EPB41L4B: variants seen among roughly 807,000 people sequenced by gnomAD.
The protein encoded by EPB41L4B is erythrocyte membrane protein band 4.1 like 4B, also known as band 4.1-like protein 4B.
A neutral mutation model predicts 112.5 loss-of-function variants in EPB41L4B; 30 were observed. That is an observed-to-expected ratio of 0.27 (90% CI 0.20 to 0.36). The LOEUF (loss-of-function observed/expected upper bound fraction) is 0.36, where lower values mean the gene tolerates loss of function less well. EPB41L4B is among the 10% of genes least tolerant of loss of function. The pLI is 1.00. For missense variants in EPB41L4B, 1,024 were observed against 1,133.3 expected (o/e 0.90, Z 1.38); for synonymous variants, 408 against 439.7 (o/e 0.93, Z 0.90).
rs1831855145 is a variant in EPB41L4B, at chr9:109,176,711, G to A, written c.2488-15C>T. ...CTGAAGTCTGCCTGGAGAAGAAACA[G>A]GAAAGAGGAGATCAATCTCAATTTG... On this transcript the variant is annotated splice_polypyrimidine_tract_variant and intron_variant, in intron 24 of 25. Transcript: ENST00000374566. 1 of 1,612,952 alleles carries A rather than the reference G, an allele frequency of 6.2e-7. No homozygotes were observed. The highest frequency in any genetic ancestry group is 2.2e-5 in the East Asian group (1 of 44,850).
intron 15 of EPB41L4B, among the ~76,000 whole-genome samples, chr9:109,223,375 A>C (rs578050246): frequency 6.6e-6 from 1 of 150,944 alleles, no homozygotes; most frequent in African/African-American, 2.4e-5. Flanking sequence ...TCCAGGCTGC[A>C]GTGTGATCCA....
At chr9:109,301,503 C>T (rs1836965005) in intron 1 of EPB41L4B, among the ~76,000 whole-genome samples, 1 of 152,210 alleles carries the variant, frequency 6.6e-6, no homozygotes, top group South Asian at 2.1e-4. Context: ...GAGTCCCCTT[C>T]CTCGTCAATC....
At chr9:109,240,781 G>C (rs1037052214) in intron 15 of EPB41L4B, 2 of 985,274 alleles carry the variant, frequency 2.0e-6, no homozygotes, top group African/African-American at 1.7e-5. Flanking sequence ...GTGAAGTCTA[G>C]GGTAAAAACC....
intron 15 of EPB41L4B, among the ~76,000 whole-genome samples, chr9:109,229,901 A>C (rs1833899779): frequency 1.3e-5 from 2 of 152,136 alleles, no homozygotes. Context: ...GACAAGAAAA[A>C]GTCAGGAAGC....
chr9:109,192,501 T>C, intron 21 of EPB41L4B, 146 bp from the exon 22 acceptor site: 2 of 531,688 alleles, frequency 3.8e-6, no homozygotes, highest in Non-Finnish European at 6.3e-6. Context: ...CCTCACCAAG[T>C]AGTGTACAAA....
intron 2 of EPB41L4B, among the ~76,000 whole-genome samples, chr9:109,271,821 T>G (rs531944541): frequency 1.8e-4 from 28 of 152,288 alleles, no homozygotes; most frequent in Non-Finnish European, 3.4e-4. Context: ...ACTCAAACAC[T>G]CTAACGGGTG....
chr9:109,249,072 AAT>A (rs1405931516), intron 13 of EPB41L4B, among the ~76,000 whole-genome samples: 67 of 130,892 alleles, frequency 5.1e-4, no homozygotes, highest in African/African-American at 1.7e-3. Flanking sequence ...AAAAAAAAAA[AAT>A]ATATATATAT....
chr9:109,278,853 G>A (rs1835932809), intron 2 of EPB41L4B, among the ~76,000 whole-genome samples: 2 of 152,182 alleles, frequency 1.3e-5, no homozygotes, highest in Admixed American at 6.5e-5. Flanking sequence ...GCTAGATTTT[G>A]TTGGGAAGGG....
rs575676824 is a variant in EPB41L4B at position 109,256,933 on chromosome 9, G to A, written c.753-453C>T. Among the ~76,000 whole-genome samples, 6 of 152,274 alleles carry A rather than the reference G, an allele frequency of 3.9e-5. No individual in the cohort carries two copies. In the East Asian group the frequency reaches 9.7e-4, roughly 25 times the overall value. ...CATTGCACTCCAGCCTGGGCAACAA[G>A]ACTGAAACTCCATCTCAACAACAAC... On this transcript the variant is annotated intron_variant, in intron 7 of 25. Transcript: ENST00000374566.
intron 17 of EPB41L4B, 127 bp from the exon 18 acceptor site, chr9:109,208,176 C>T: frequency 9.0e-7 from 1 of 1,114,016 alleles, no homozygotes; most frequent in Non-Finnish European, 1.3e-6. Context: ...GTCACCAACT[C>T]CTTATATTTT....
chr9:109,238,666 G>A (rs1453973743), intron 15 of EPB41L4B, among the ~76,000 whole-genome samples: 1 of 152,066 alleles, frequency 6.6e-6, no homozygotes, highest in South Asian at 2.1e-4. Flanking sequence ...TATAGATGGG[G>A]GTAGAAAGGG....
At chr9:109,191,918 A>AT in intron 22 of EPB41L4B, among the ~76,000 whole-genome samples, 1 of 152,304 alleles carries the variant, frequency 6.6e-6, no homozygotes, top group Non-Finnish European at 1.5e-5. Context: ...GACCAGATGG[A>AT]TCGTCGGAAG....
At chr9:109,182,973 G>C (rs1160565620) in intron 23 of EPB41L4B, among the ~76,000 whole-genome samples, 176 bp from the exon 24 acceptor site, 1 of 152,122 alleles carries the variant, frequency 6.6e-6, no homozygotes, top group Non-Finnish European at 1.5e-5. Flanking sequence ...GCTGGTGGTT[G>C]TATCTGTGCC....
chr9:109,182,665 C>T (rs1832108077), intron 24 of EPB41L4B, 64 bp downstream of exon 24: 2 of 1,250,552 alleles, frequency 1.6e-6, no homozygotes, highest in South Asian at 1.2e-5. Context: ...TGGCATCCCG[C>T]AGAAAAGCAC....
chr9:109,314,674 C>T (rs1837568247), intron 1 of EPB41L4B, among the ~76,000 whole-genome samples: 2 of 152,114 alleles, frequency 1.3e-5, no homozygotes, highest in South Asian at 4.2e-4. Flanking sequence ...ACAAAGAAGG[C>T]ATATCCAAAA....
chr9:109,280,242 T>C (rs948583192), intron 1 of EPB41L4B, among the ~76,000 whole-genome samples: 2 of 152,184 alleles, frequency 1.3e-5, no homozygotes, highest in African/African-American at 2.4e-5. Context: ...TGAAGAAGGG[T>C]GTAACAGGGC....
intron 1 of EPB41L4B, among the ~76,000 whole-genome samples, 183 bp from the exon 2 acceptor site, chr9:109,280,104 C>A (rs10512229): frequency 6.6e-6 from 1 of 152,040 alleles, no homozygotes; most frequent in Admixed American, 6.6e-5. Flanking sequence ...ACTCAAATGC[C>A]ACATAATAGC....
Position 109,172,742 on chromosome 9 carries a change from A to C in EPB41L4B, c.*1812T>G, listed in dbSNP as rs185881120. On this transcript the variant is annotated 3_prime_UTR_variant, in exon 26 of 26. Coordinates refer to ENST00000374566, the MANE Select transcript of EPB41L4B (RefSeq NM_019114.5). ...TTAGAAAGATTTCCCTCAAAAAAAA[A>C]TATATTAAAATTTTAAAGATTCAGC... 3 of 152,730 alleles carry C rather than the reference A, an allele frequency of 2.0e-5. No individual in the cohort carries two copies. Among genetic ancestry groups the C allele is most frequent in the Non-Finnish European group, 4.4e-5 (3 of 68,026 alleles). 9.5% of individuals were successfully genotyped at this position (152,730 alleles called of 1,614,324 possible).
chr9:109,200,102 A>G, intron 20 of EPB41L4B, 134 bp downstream of exon 20: 2 of 659,432 alleles, frequency 3.0e-6, no homozygotes, highest in Non-Finnish European at 5.3e-6. Flanking sequence ...TAGTCTCATT[A>G]TTACCTAAAT....
Sources: gnomAD v4.1 joint callset for allele counts (sites outside exome capture counted in the v4.1 genomes callset) on GRCh38, gnomAD v4.1.1 for gene constraint, MANE v1.5 for transcripts, NCBI Gene and HGNC (gene_info 2026-07-23, HGNC 2026-07-21) for gene names.